Variants in FLCN observed in about 807,000 individuals in gnomAD.
FLCN encodes the protein BHD skin lesion fibrofolliculoma protein.
A neutral mutation model predicts 62.5 loss-of-function variants in FLCN; 22 were observed. The ratio of observed to expected loss-of-function variants is 0.35; its 90% CI spans 0.25 to 0.50. The LOEUF (loss-of-function observed/expected upper bound fraction) is 0.50, where lower values mean the gene tolerates loss of function less well. Among genes scored for constraint, FLCN ranks in the 20% least tolerant of loss-of-function variants. The pLI, the probability that FLCN is intolerant of heterozygous loss-of-function variation, is 0.97. For missense variants in FLCN, 657 were observed against 778.0 expected, an observed-to-expected ratio of 0.84 and a Z score of 1.85; for synonymous variants, 319 against 310.0, an observed-to-expected ratio of 1.03 and a Z score of -0.30.
At chr17:17,218,698 G>A (rs1333539962) in intron 9 of FLCN, among the ~76,000 whole-genome samples, 1 of 152,124 alleles carries the variant, frequency 6.6e-6, no homozygotes, top group African/African-American at 2.4e-5. Context: ...CACTTACAAT[G>A]GGCAGGGTCC....
chr17:17,215,401 C>T, intron 11 of FLCN, 85 bp from the exon 12 acceptor site: 2 of 1,602,476 alleles, frequency 1.2e-6, no homozygotes, highest in Non-Finnish European at 1.7e-6. Context: ...CCCCACTCCG[C>T]TCATCCCAGG....
intron 7 of FLCN, 35 bp from the exon 8 acceptor site, chr17:17,221,663 CCAAAGGAAAAAG>C: frequency 1.3e-6 from 2 of 1,596,814 alleles, no homozygotes; most frequent in Non-Finnish European, 8.5e-7. Flanking sequence ...AGCGTTCTCG[CCAAAGGAAAAAG>C]CAAACCTGAC....
At chr17:17,219,541 T>C in intron 8 of FLCN, 1 of 245,750 alleles carries the variant, frequency 4.1e-6, no homozygotes, top group Non-Finnish European at 7.9e-6. Flanking sequence ...CTCGAGGATC[T>C]ACACGTTGTT....
chr17:17,228,303 T>C, intron 3 of FLCN, 142 bp from the exon 4 acceptor site: 1 of 978,348 alleles, frequency 1.0e-6, no homozygotes, highest in African/African-American at 1.6e-5. Context: ...CCCAGCCCCC[T>C]GCCAGCACTG....
intron 7 of FLCN, among the ~76,000 whole-genome samples, chr17:17,222,254 T>C (rs540649533): frequency 5.7e-4 from 87 of 152,282 alleles, no homozygotes; most frequent in South Asian, 5.6e-3. Flanking sequence ...GGAGAATCAC[T>C]TGAACCCAGG....
In FLCN at chr17:17,219,177, A is replaced by C; in HGVS notation, c.904T>G (p.Ser302Ala). The C allele has an allele frequency of 6.2e-7, 1 of 1,614,170 alleles. No individual in the cohort carries two copies. Among genetic ancestry groups the C allele is most frequent in the Non-Finnish European group, 8.5e-7 (1 of 1,180,034 alleles). Residue 302 changes from serine to alanine, a missense_variant, in exon 9 of 14, where the codon TCT becomes GCT. Ser to Ala is a moderately conservative substitution (Grantham distance 99). Coordinates refer to ENST00000285071, the MANE Select transcript of FLCN (RefSeq NM_144997.7). ...GCTTTCTCCTCCTCTTCAGCCTCAG[A>C]GTTGTCCCAGCTTTCTGATTCCTCT... ...LEEESESWDN[S>A]EAEEEEKAPV...
intron 5 of FLCN, chr17:17,224,461 G>A (rs1200013957): frequency 2.2e-6 from 1 of 461,186 alleles, no homozygotes; most frequent in Non-Finnish European, 4.0e-6. Context: ...TACTCACCTG[G>A]AGCATGCAGA....
At chr17:17,223,340 G>C (rs1342585725) in intron 6 of FLCN, among the ~76,000 whole-genome samples, 1 of 152,302 alleles carries the variant, frequency 6.6e-6, no homozygotes, top group South Asian at 2.1e-4. Context: ...TGATCTGCCC[G>C]CCTTGGCCTC....
intron 7 of FLCN, 103 bp downstream of exon 7, chr17:17,222,398 A>C: frequency 6.5e-7 from 1 of 1,539,300 alleles, no homozygotes; most frequent in Non-Finnish European, 8.8e-7. Context: ...GGCAGCAAGC[A>C]AACACGGCTA....
intron 4 of FLCN, 35 bp downstream of exon 4, chr17:17,227,854 A>G (rs1445802365): frequency 2.5e-6 from 4 of 1,613,750 alleles, no homozygotes; most frequent in Non-Finnish European, 3.4e-6. Context: ...CACCTACTGC[A>G]GGGATCACAA....
rs786202175 is a variant in FLCN, at chr17:17,217,138, G to A, written c.1107C>T (p.Leu369=). The change falls in exon 10 of 14, where the codon CTC becomes CTT. Residue 369 remains leucine, a synonymous_variant. Transcript: ENST00000285071. The stretch of plus-strand genomic sequence containing the variant: ...TTTTCCAGATCACCTGGTTCCCCAT[G>A]AGAACGTGCCAGGCCAGCATGCGGA... ...PSFRMLAWHV[L]MGNQVIWKSR... 3 of 1,614,138 alleles carry A rather than the reference G, an allele frequency of 1.9e-6. No individual in the cohort carries two copies. The highest frequency in any genetic ancestry group is 2.5e-6 in the Non-Finnish European group (3 of 1,180,048).
intron 6 of FLCN, chr17:17,223,033 G>A (rs1394079223): frequency 2.8e-6 from 1 of 361,676 alleles, no homozygotes; most frequent in African/African-American, 2.1e-5. Flanking sequence ...TCAATGAGCT[G>A]AGACAAACAA....
At chr17:17,221,897 A>G (rs1567816682) in intron 7 of FLCN, among the ~76,000 whole-genome samples, 2 of 152,178 alleles carry the variant, frequency 1.3e-5, no homozygotes, top group East Asian at 1.9e-4. Context: ...TCCGATGCCA[A>G]TGCAGTCACT....
In FLCN at chr17:17,213,991, G is replaced by A. The variant is rs1024026792; in HGVS notation, c.1539-135C>T. 32 of 962,770 alleles carry A rather than the reference G, an allele frequency of 3.3e-5. No individual in the cohort carries two copies. The African/African-American group carries it at 5.1e-4, about 15-fold the overall frequency. The allele number at this position is 962,770 out of a possible 1,614,324, so 59.6% of individuals were successfully genotyped here. On this transcript the variant is annotated intron_variant, in intron 13 of 13. Transcript: ENST00000285071. Reference sequence around the variant, plus strand: ...GGCAGAGCTGGAATCCACACCCTTGGGGCAGCAGGCTTGGCCCCTGAACTG... The same window carrying A: ...GGCAGAGCTGGAATCCACACCCTTGAGGCAGCAGGCTTGGCCCCTGAACTG...
chr17:17,216,977 G>A lies in FLCN; in HGVS notation c.1176+92C>T. On this transcript the variant is annotated intron_variant, in intron 10 of 13. Transcript: ENST00000285071. This position sits in a 1 kb window ranked among gnomAD's most constrained non-coding sequence, Gnocchi z 4.0. ...GTGTGGTGCACAGCGGTTCTGTGCT[G>A]GGCAGTCGGTGCACCTTGGCATCCC... 1.1e-6 allele frequency: 1 copy of A among 929,174 alleles called. No individual in the cohort carries two copies. The allele number at this position is 929,174 out of a possible 1,614,324, so 57.6% of individuals were successfully genotyped here.
rs1410817006 is a variant in FLCN at position 17,236,995 on chromosome 17, G to T, written c.-311C>A. 1.3e-5 allele frequency: 2 copies of T among 152,146 alleles called. No homozygotes were observed. Among genetic ancestry groups the T allele is most frequent in the Admixed American group, 6.5e-5 (1 of 15,284 alleles). 9.4% of individuals were successfully genotyped at this position (152,146 alleles called of 1,614,324 possible). A position where few individuals can be genotyped will look rare whatever the true frequency, so the allele number is the denominator to read the frequency against. On this transcript the variant is annotated 5_prime_UTR_variant, in exon 1 of 14. Transcript: ENST00000285071. ...GGGTCCCAGCCCCGCCCCTGACTGC[G>T]CTGGGTAGGTGGTCGCTGCGGGACC...
At chr17:17,231,178 C>T (rs531138563) in intron 3 of FLCN, among the ~76,000 whole-genome samples, 2 of 152,144 alleles carry the variant, frequency 1.3e-5, no homozygotes, top group South Asian at 2.1e-4. Context: ...CCAGCCTGGG[C>T]GACAGAGAGA....
intron 11 of FLCN, 70 bp from the exon 12 acceptor site, chr17:17,215,386 G>A (rs544930629): frequency 1.2e-5 from 20 of 1,608,680 alleles, no homozygotes; most frequent in African/African-American, 6.7e-5. Flanking sequence ...CTAGCCCACC[G>A]TGGGCCCCAC....
chr17:17,227,935 C>G lies in FLCN; in HGVS notation c.203G>C (p.Ser68Thr), dbSNP rs2145040935. ...GGGCCCCGGGCTGCTGGACTCGACG[C>G]TGGCCCCCTCTGCGGGGCTGTGCGC... ...MRAHSPAEGA[S>T]VESSSPGPKK... Residue 68 changes from serine (S) to threonine (T), a missense_variant, in exon 4 of 14, where the codon AGC becomes ACC. By Grantham distance (58) the Ser-to-Thr change is moderately conservative (BLOSUM62 1). Transcript: ENST00000285071. The G allele has an allele frequency of 6.2e-7, 1 of 1,614,126 alleles. No homozygotes were observed. Among genetic ancestry groups the G allele is most frequent in the Non-Finnish European group, 8.5e-7 (1 of 1,180,040 alleles).
Sources: allele counts gnomAD v4.1 joint callset (sites outside exome capture counted in the v4.1 genomes callset), GRCh38; gene constraint gnomAD v4.1.1; non-coding constraint Gnocchi (gnomAD v3.1); transcripts MANE v1.5; gene names NCBI Gene and HGNC (gene_info 2026-07-23, HGNC 2026-07-21).